Variants in LPAR1 observed in about 807,000 individuals in gnomAD.
LPAR1 encodes lysophosphatidic acid receptor 1.
A neutral mutation model predicts 23.8 loss-of-function variants in LPAR1; 5 were observed. The observed-to-expected ratio is 0.21, with a 90% CI of 0.11 to 0.44. The LOEUF (loss-of-function observed/expected upper bound fraction) is 0.44. Ranked by LOEUF, LPAR1 falls within the 20% of genes least tolerant of loss-of-function variation. LPAR1 has a pLI of 0.99. For missense variants in LPAR1, 311 were observed against 482.8 expected, an observed-to-expected ratio of 0.64 and a Z score of 3.33; for synonymous variants, 160 against 164.7, an observed-to-expected ratio of 0.97 and a Z score of 0.22.
intron 2 of LPAR1, among the ~76,000 whole-genome samples, chr9:111,029,513 A>G (rs2097758995): frequency 6.6e-6 from 1 of 151,848 alleles, no homozygotes; most frequent in Non-Finnish European, 1.5e-5. Flanking sequence ...GGTCTTCCTC[A>G]TTACTCTTCT....
intron 2 of LPAR1, among the ~76,000 whole-genome samples, chr9:111,032,662 C>G (rs950483233): frequency 6.6e-6 from 1 of 152,144 alleles, no homozygotes; most frequent in Admixed American, 6.5e-5. Flanking sequence ...AGAGAACCAC[C>G]TAGGCATAGG....
At chr9:110,991,553 A>G (rs894095399) in intron 2 of LPAR1, among the ~76,000 whole-genome samples, 3 of 132,812 alleles carry the variant, frequency 2.3e-5, no homozygotes, top group African/African-American at 8.3e-5. Flanking sequence ...ATTTTGGAGC[A>G]GTCTGATAGA....
chr9:110,995,747 G>A (rs1564287451), intron 2 of LPAR1, among the ~76,000 whole-genome samples: 1 of 152,130 alleles, frequency 6.6e-6, no homozygotes, highest in Non-Finnish European at 1.5e-5. Flanking sequence ...GAAGAAATCA[G>A]GAAGTGAAGC....
chr9:110,918,439 A>G (rs1388373931), intron 5 of LPAR1, among the ~76,000 whole-genome samples: 1 of 152,188 alleles, frequency 6.6e-6, no homozygotes, highest in African/African-American at 2.4e-5. Context: ...CATTCTGCAG[A>G]CACTCAGGTT....
At chr9:111,005,565 AAAAAAAAAAAAAG>A (rs2097202117) in intron 2 of LPAR1, among the ~76,000 whole-genome samples, 2 of 146,990 alleles carry the variant, frequency 1.4e-5, no homozygotes, top group Non-Finnish European at 3.0e-5. Flanking sequence ...AAAAAAAAAA[AAAAAAAAAAAAAG>A]AAGAATTGGG....
chr9:110,980,840 T>A (rs983732351), intron 2 of LPAR1, among the ~76,000 whole-genome samples: 24 of 152,120 alleles, frequency 1.6e-4, no homozygotes, highest in Non-Finnish European at 3.2e-4. Flanking sequence ...GTTAATTGCC[T>A]TAATTTGATC....
chr9:111,037,869 C>G (rs896371669), intron 1 of LPAR1: 1 of 152,196 alleles, frequency 6.6e-6, no homozygotes, highest in Non-Finnish European at 1.5e-5. Flanking sequence ...GCCGGCGGCC[C>G]GGGCGGCTGC....
intron 2 of LPAR1, among the ~76,000 whole-genome samples, chr9:110,987,228 G>A (rs1433526653): frequency 6.6e-6 from 1 of 151,932 alleles, no homozygotes; most frequent in African/African-American, 2.4e-5. Flanking sequence ...CAGTAATACA[G>A]TACTTGGCAA....
chr9:111,017,760 G>A (rs900804134), intron 2 of LPAR1, among the ~76,000 whole-genome samples: 4 of 152,140 alleles, frequency 2.6e-5, no homozygotes, highest in East Asian at 1.9e-4. Flanking sequence ...AGTGGCTCAC[G>A]CCTATAATCT....
At chr9:110,975,176 T>C (rs967818909) in intron 2 of LPAR1, among the ~76,000 whole-genome samples, 11 of 152,310 alleles carry the variant, frequency 7.2e-5, no homozygotes, top group African/African-American at 1.9e-4. Context: ...TTAAGCAATA[T>C]AACCTTAAAA....
In LPAR1 at chr9:110,875,573, C is replaced by T. The variant is rs1178597851; in HGVS notation, c.943G>A (p.Asp315Asn). ...AMNPIIYSYRDKEMSATFRQI... is the reference protein window; with the variant it reads ...AMNPIIYSYRNKEMSATFRQI... ...CTAAAGGTGGCGCTCATTTCTTTGT[C>T]GCGGTAGGAGTAAATGATGGGGTTC... is the stretch of plus-strand genomic sequence containing the variant. The change falls in exon 6 of 6, where the codon GAC becomes AAC. Residue 315 changes from aspartate (D) to asparagine (N), a missense_variant. This residue lies in a region of LPAR1 where 250 missense variants were observed against 427.2 expected (regional missense o/e 0.59). Coordinates refer to ENST00000683809, the MANE Select transcript of LPAR1 (RefSeq NM_001351411.2). The T allele has an allele frequency of 6.2e-7, 1 of 1,614,008 alleles. No homozygotes were observed. Among genetic ancestry groups the T allele is most frequent in the Non-Finnish European group, 8.5e-7 (1 of 1,179,986 alleles).
chr9:110,901,906 C>T (rs2089236329), intron 5 of LPAR1, among the ~76,000 whole-genome samples: 1 of 152,146 alleles, frequency 6.6e-6, no homozygotes, highest in Non-Finnish European at 1.5e-5. Context: ...CCGACCCCAA[C>T]TCTACCCAAA....
chr9:111,037,311 G>T (rs960518034), intron 1 of LPAR1, among the ~76,000 whole-genome samples: 2 of 152,136 alleles, frequency 1.3e-5, no homozygotes, highest in African/African-American at 4.8e-5. Flanking sequence ...CCACATTTAT[G>T]AAAAAATCCA....
intron 2 of LPAR1, among the ~76,000 whole-genome samples, chr9:111,026,865 C>T (rs2097701365): frequency 6.6e-6 from 1 of 152,166 alleles, no homozygotes; most frequent in South Asian, 2.1e-4. Flanking sequence ...CTTTGCATCC[C>T]AGGGATGAAG....
intron 2 of LPAR1, among the ~76,000 whole-genome samples, chr9:111,028,334 T>G (rs953937805): frequency 2.0e-5 from 3 of 152,080 alleles, no homozygotes; most frequent in Non-Finnish European, 2.9e-5. Flanking sequence ...CTGCCCACCT[T>G]GGCCTCCCAA....
chr9:111,014,081 T>C (rs1417002416), intron 2 of LPAR1, among the ~76,000 whole-genome samples: 1 of 152,140 alleles, frequency 6.6e-6, no homozygotes, highest in Non-Finnish European at 1.5e-5. Context: ...ATTCTCACAA[T>C]GCCCAGCCTA....
At chr9:110,990,765 T>C (rs2096877934) in intron 2 of LPAR1, among the ~76,000 whole-genome samples, 1 of 152,058 alleles carries the variant, frequency 6.6e-6, no homozygotes, top group African/African-American at 2.4e-5. Context: ...ATAGAAACTA[T>C]AAAACAAATC....
chr9:110,995,208 G>C (rs2096973563), intron 2 of LPAR1, among the ~76,000 whole-genome samples: 1 of 152,022 alleles, frequency 6.6e-6, no homozygotes, highest in Non-Finnish European at 1.5e-5. Context: ...GGCCCACAAT[G>C]TGCTATTCAA....
At chr9:110,938,448 A>G (rs565468693) in intron 5 of LPAR1, among the ~76,000 whole-genome samples, 1 of 152,290 alleles carries the variant, frequency 6.6e-6, no homozygotes, top group Non-Finnish European at 1.5e-5. Flanking sequence ...CAGCACCATG[A>G]CGGTTTACAA....
Sources: gnomAD v4.1 joint callset for allele counts (sites outside exome capture counted in the v4.1 genomes callset) on GRCh38, gnomAD v4.1.1 for gene constraint, gnomAD v4.1.1 regional missense constraint, MANE v1.5 for transcripts, NCBI Gene and HGNC (gene_info 2026-07-23, HGNC 2026-07-21) for gene names.